Variants in DIP2C observed in about 807,000 individuals in gnomAD.
The protein encoded by DIP2C is DIP2 acetate--CoA ligase C (putative).
A neutral mutation model predicts 192.4 loss-of-function variants in DIP2C; 33 were observed. The observed-to-expected ratio is 0.17, with a 90% CI of 0.13 to 0.23. The LOEUF is 0.23. DIP2C is among the 10% of genes least tolerant of loss of function. The pLI is 1.00. For missense variants in DIP2C, 1,537 were observed against 2,110.1 expected (o/e 0.73, Z 5.32); for synonymous variants, 979 against 864.1 (o/e 1.13, Z -2.33).
chr10:675,401 T>C (rs1830837477), intron 1 of DIP2C, among the ~76,000 whole-genome samples: 1 of 149,920 alleles, frequency 6.7e-6, no homozygotes, highest in Admixed American at 6.6e-5. Flanking sequence ...ACAAATCAAA[T>C]CCAAAAGTGG....
chr10:594,736 G>C (rs1055211930), intron 1 of DIP2C, among the ~76,000 whole-genome samples: 5 of 152,156 alleles, frequency 3.3e-5, no homozygotes, highest in Non-Finnish European at 5.9e-5. Flanking sequence ...TCAGAGTCAA[G>C]AAAACCCATG....
intron 32 of DIP2C, among the ~76,000 whole-genome samples, chr10:309,046 C>T (rs534469152): frequency 1.7e-4 from 26 of 152,300 alleles, no homozygotes; most frequent in Middle Eastern, 3.4e-3. Context: ...CTGCTGACGG[C>T]GATAAGGGAA....
chr10:578,989 G>A (rs181958481), intron 1 of DIP2C, among the ~76,000 whole-genome samples: 3 of 151,806 alleles, frequency 2.0e-5, no homozygotes, highest in African/African-American at 4.8e-5. Flanking sequence ...GTGTACATAT[G>A]TAGGTACACT....
intron 1 of DIP2C, among the ~76,000 whole-genome samples, chr10:554,581 TGA>T (rs1204831521): frequency 2.0e-5 from 3 of 152,228 alleles, no homozygotes; most frequent in Non-Finnish European, 4.4e-5. Flanking sequence ...CCCGTGTTCT[TGA>T]GACACAGAAG....
At chr10:414,735 G>GTATATATATATATATATATA (rs1377828086) in intron 7 of DIP2C, among the ~76,000 whole-genome samples, 9 of 53,084 alleles carry the variant, frequency 1.7e-4, no homozygotes, top group East Asian at 7.6e-4. Flanking sequence ...GTGTGTGTGT[G>GTATATATATATATATATATA]TGTGTACATA....
chr10:344,704 TCA>T, intron 28 of DIP2C, 103 bp downstream of exon 28: 1 of 903,954 alleles, frequency 1.1e-6, no homozygotes, highest in Admixed American at 2.1e-5. Flanking sequence ...TTTCCACATC[TCA>T]GTCTGACTAC....
rs546274046 is a variant in DIP2C, at chr10:340,130, G to A, written c.3584+1069C>T. Among the ~76,000 whole-genome samples, 7 of 151,716 alleles carry A rather than the reference G, an allele frequency of 4.6e-5. No individual in the cohort carries two copies. In the South Asian group the frequency reaches 8.4e-4, roughly 18 times the overall value. On this transcript the variant is annotated intron_variant, in intron 29 of 36. Transcript: ENST00000280886. ...CAGGAGGCAGAGGTTGCAGTGAGCT[G>A]AGATTGTGGCACTGCACTTCAGCCT...
chr10:592,891 CTGGG>C (rs1851484606), intron 1 of DIP2C, among the ~76,000 whole-genome samples: 1 of 151,514 alleles, frequency 6.6e-6, no homozygotes, highest in African/African-American at 2.5e-5. Flanking sequence ...CTCAAACCAA[CTGGG>C]TATTTGGAAA....
intron 28 of DIP2C, among the ~76,000 whole-genome samples, chr10:343,377 T>C (rs1431121335): frequency 6.6e-6 from 1 of 152,182 alleles, no homozygotes; most frequent in African/African-American, 2.4e-5. Context: ...TTGTAATAAC[T>C]GGGGAAATCC....
chr10:317,471 A>AG (rs1956823511), intron 31 of DIP2C, among the ~76,000 whole-genome samples: 2 of 152,238 alleles, frequency 1.3e-5, no homozygotes, highest in South Asian at 4.1e-4. Flanking sequence ...GCTTTAGTTT[A>AG]GGGGCTGCCA....
At chr10:391,184 A>G (rs1963428368) in intron 10 of DIP2C, among the ~76,000 whole-genome samples, 1 of 152,212 alleles carries the variant, frequency 6.6e-6, no homozygotes, top group South Asian at 2.1e-4. Flanking sequence ...GCTCTCTCCA[A>G]TTCCATAAGA....
chr10:523,675 C>A (rs79363144), intron 1 of DIP2C, among the ~76,000 whole-genome samples: 2,339 of 67,026 alleles, frequency 0.035, 5 homozygotes, highest in African/African-American at 0.082. Context: ...CCTGGAGTGA[C>A]GATGCAGGGA....
chr10:580,255 T>C (rs887106790), intron 1 of DIP2C, among the ~76,000 whole-genome samples: 2 of 152,160 alleles, frequency 1.3e-5, no homozygotes, highest in Non-Finnish European at 2.9e-5. Flanking sequence ...GTGTAAAGTA[T>C]GTACATATGC....
intron 1 of DIP2C, among the ~76,000 whole-genome samples, chr10:580,754 G>A (rs1466301057): frequency 6.6e-6 from 1 of 151,958 alleles, no homozygotes; most frequent in Non-Finnish European, 1.5e-5. Context: ...AACTGTAATA[G>A]AAGTCATACA....
intron 22 of DIP2C, among the ~76,000 whole-genome samples, chr10:358,774 T>G (rs1318952903): frequency 7.0e-4 from 1 of 1,438 alleles, no homozygotes; most frequent in Non-Finnish European, 1.3e-3. Context: ...GGGACGGGGG[T>G]GGGAGGTGGG....
chr10:476,540 A>T (rs1843045531), intron 2 of DIP2C, among the ~76,000 whole-genome samples: 1 of 152,204 alleles, frequency 6.6e-6, no homozygotes, highest in African/African-American at 2.4e-5. Context: ...TTTCTTGACA[A>T]GGAAATGCAG....
chr10:333,823 C>T (rs1589511119), intron 29 of DIP2C, among the ~76,000 whole-genome samples: 1 of 152,186 alleles, frequency 6.6e-6, no homozygotes, highest in Admixed American at 6.5e-5. Flanking sequence ...ACTTTATTTC[C>T]TGTGTTTTCG....
chr10:372,240 A>C (rs1961054942), intron 17 of DIP2C, among the ~76,000 whole-genome samples: 1 of 151,964 alleles, frequency 6.6e-6, no homozygotes, highest in Admixed American at 6.6e-5. Context: ...ACAGCCAGTT[A>C]ATTTTTTTGC....
chr10:538,785 C>G (rs1847830713), intron 1 of DIP2C, among the ~76,000 whole-genome samples: 1 of 152,230 alleles, frequency 6.6e-6, no homozygotes, highest in Non-Finnish European at 1.5e-5. Context: ...TTAATACTAT[C>G]ACAATTCTAA....
Sources: gnomAD v4.1 joint callset for allele counts (sites outside exome capture counted in the v4.1 genomes callset) on GRCh38, gnomAD v4.1.1 for gene constraint, MANE v1.5 for transcripts, NCBI Gene and HGNC (gene_info 2026-07-23, HGNC 2026-07-21) for gene names.